The following GPHN variants were observed in gnomAD, a reference collection of about 807,000 sequenced individuals.
The protein encoded by GPHN is gephyrin.
Under a neutral mutation model 95.5 loss-of-function variants are expected in GPHN, and 17 were observed. The observed-to-expected ratio is 0.18, with a 90% CI of 0.12 to 0.27. The LOEUF (loss-of-function observed/expected upper bound fraction) is 0.27, where lower values mean the gene tolerates loss of function less well. Among genes scored for constraint, GPHN ranks in the 10% least tolerant of loss-of-function variants. The pLI is 1.00. For missense variants in GPHN, 660 were observed against 978.1 expected (o/e 0.67, Z 4.34); for synonymous variants, 320 against 322.5 (o/e 0.99, Z 0.08).
At chr14:67,236,745 ATTGT>A in the GPHN span, among the ~76,000 whole-genome samples, 24 of 152,204 alleles carry the variant, frequency 1.6e-4, no homozygotes, top group African/African-American at 5.1e-4. Flanking sequence ...AGAAAAGTTC[ATTGT>A]TTGTTGGTTT....
intron 17 of GPHN, among the ~76,000 whole-genome samples, chr14:67,136,191 A>G (rs1354232610): frequency 6.6e-6 from 1 of 151,990 alleles, no homozygotes; most frequent in Non-Finnish European, 1.5e-5. Context: ...TCCTCTCCCT[A>G]CTGAAAGTTC....
At chr14:66,999,538 A>G (rs2072074712) in intron 9 of GPHN, among the ~76,000 whole-genome samples, 4 of 152,036 alleles carry the variant, frequency 2.6e-5, no homozygotes, top group Middle Eastern at 3.4e-3. Context: ...TTATTTAATT[A>G]TAATCTGCCA....
At chr14:67,206,763 C>T in the GPHN span, among the ~76,000 whole-genome samples, 1 of 151,920 alleles carries the variant, frequency 6.6e-6, no homozygotes, top group African/African-American at 2.4e-5. Flanking sequence ...GACAGTCTCA[C>T]TCCGTTGCCC....
chr14:67,541,812 C>T, the GPHN span: 1 of 1,477,522 alleles, frequency 6.8e-7, no homozygotes. Context: ...ATCTTTTCCT[C>T]TTTCTGCATG....
the GPHN span, chr14:67,555,906 C>T: frequency 1.9e-6 from 3 of 1,611,720 alleles, no homozygotes; most frequent in Non-Finnish European, 1.7e-6. Context: ...GGGAGGGGAT[C>T]GGCGGGAATA....
the GPHN span, among the ~76,000 whole-genome samples, chr14:67,325,985 T>C: frequency 2.7e-5 from 4 of 145,506 alleles, no homozygotes; most frequent in African/African-American, 7.7e-5. Flanking sequence ...TTTTCTTTTT[T>C]TTTTTTTTTT....
At chr14:66,768,969 C>A (rs2059063829) in intron 2 of GPHN, among the ~76,000 whole-genome samples, 1 of 151,882 alleles carries the variant, frequency 6.6e-6, no homozygotes, top group Non-Finnish European at 1.5e-5. Flanking sequence ...TAGAGAAGAA[C>A]ATTTTAGACA....
chr14:67,353,077 C>T, the GPHN span: 2 of 1,509,550 alleles, frequency 1.3e-6, no homozygotes, highest in Admixed American at 2.0e-5. Context: ...CATCTATTCT[C>T]ATTGTTTAAA....
intron 2 of GPHN, among the ~76,000 whole-genome samples, chr14:66,714,819 A>G (rs12147561): frequency 0.074 from 11,197 of 152,244 alleles, 562 homozygotes; most frequent in Non-Finnish European, 0.12. Context: ...CATCCCTGGT[A>G]TGAAACCCAC....
the GPHN span, among the ~76,000 whole-genome samples, chr14:67,192,016 TAA>T: frequency 6.6e-6 from 1 of 152,178 alleles, no homozygotes; most frequent in Non-Finnish European, 1.5e-5. Flanking sequence ...TTAAAAGAAG[TAA>T]CAGAGACCGC....
At chr14:66,779,323 A>C (rs1257480945) in intron 3 of GPHN, among the ~76,000 whole-genome samples, 3 of 152,202 alleles carry the variant, frequency 2.0e-5, no homozygotes, top group Admixed American at 2.0e-4. Flanking sequence ...TTGAATAAAT[A>C]TTTTATTTGA....
chr14:67,524,399 A>C, the GPHN span, among the ~76,000 whole-genome samples: 1 of 152,174 alleles, frequency 6.6e-6, no homozygotes, highest in Non-Finnish European at 1.5e-5. Flanking sequence ...AGGTCAGGTC[A>C]TGAGGTCTCT....
chr14:66,590,441 A>T (rs2061592046), intron 1 of GPHN, among the ~76,000 whole-genome samples: 1 of 152,196 alleles, frequency 6.6e-6, no homozygotes, highest in African/African-American at 2.4e-5. Context: ...GAGAAGAATT[A>T]AACAGACATT....
chr14:67,307,521 G>A, the GPHN span, among the ~76,000 whole-genome samples: 1 of 152,190 alleles, frequency 6.6e-6, no homozygotes, highest in Non-Finnish European at 1.5e-5. Flanking sequence ...AGGCACTACA[G>A]AGATAACTGT....
chr14:66,992,860 T>G (rs557351833), intron 9 of GPHN, among the ~76,000 whole-genome samples: 94 of 152,184 alleles, frequency 6.2e-4, no homozygotes, highest in Non-Finnish European at 1.1e-3. Context: ...AATGTTTTAT[T>G]AAATTATAAC....
intron 11 of GPHN, among the ~76,000 whole-genome samples, chr14:67,078,068 G>T (rs548441730): frequency 6.6e-6 from 1 of 152,286 alleles, no homozygotes; most frequent in Admixed American, 6.5e-5. Flanking sequence ...ATATGTGGAA[G>T]AAAGTAGAAC....
intron 6 of GPHN, among the ~76,000 whole-genome samples, chr14:66,921,126 G>C (rs1308155941): frequency 6.6e-6 from 1 of 152,188 alleles, no homozygotes; most frequent in East Asian, 1.9e-4. Context: ...TAGTGGGATT[G>C]CTGGATCAAA....
intron 10 of GPHN, among the ~76,000 whole-genome samples, 153 bp downstream of exon 10, chr14:67,023,828 A>C (rs2073789501): frequency 6.6e-6 from 1 of 152,218 alleles, no homozygotes; most frequent in Non-Finnish European, 1.5e-5. Flanking sequence ...TATTGCCAGT[A>C]TCAATACATT....
the GPHN span, chr14:67,392,432 G>C: frequency 1.9e-6 from 3 of 1,600,458 alleles, no homozygotes; most frequent in East Asian, 2.2e-5. Context: ...CTCAGCCTAG[G>C]GGGAAGGAGG....
Sources: allele counts gnomAD v4.1 joint callset (sites outside exome capture counted in the v4.1 genomes callset), GRCh38; gene constraint gnomAD v4.1.1; transcripts MANE v1.5; gene names NCBI Gene and HGNC (gene_info 2026-07-23, HGNC 2026-07-21).